TPD52: variants seen among roughly 807,000 people sequenced by gnomAD.
The protein encoded by TPD52 is prostate and colon associated protein.
Under a neutral mutation model 31.3 loss-of-function variants are expected in TPD52, and 17 were observed. The ratio of observed to expected loss-of-function variants is 0.54; its 90% confidence interval spans 0.37 to 0.82. The LOEUF (loss-of-function observed/expected upper bound fraction) is 0.82, where lower values mean the gene tolerates loss of function less well. Among genes scored for constraint, TPD52 ranks in the 40% least tolerant of loss-of-function variants. TPD52 has a pLI of 0.00. For missense variants in TPD52, 212 were observed against 240.1 expected (o/e 0.88, Z 0.77); for synonymous variants, 83 against 89.6 (o/e 0.93, Z 0.42).
downstream of TPD52, among the ~76,000 whole-genome samples, chr8:80,032,502 A>G (rs2130282308): frequency 6.6e-6 from 1 of 152,226 alleles, no homozygotes; most frequent in Non-Finnish European, 1.5e-5. Context: ...CCAGAAGTTT[A>G]GGGCCAGCCT....
intron 1 of TPD52, among the ~76,000 whole-genome samples, chr8:80,152,763 AGT>A (rs560168349): frequency 1.2e-3 from 138 of 114,834 alleles, no homozygotes; most frequent in African/African-American, 5.0e-3. Context: ...CCTGGGCGAA[AGT>A]GTGAGACTCC....
At chr8:80,152,523 G>A (rs1256336370) in intron 1 of TPD52, among the ~76,000 whole-genome samples, 1 of 152,126 alleles carries the variant, frequency 6.6e-6, no homozygotes, top group East Asian at 1.9e-4. Flanking sequence ...GCTCATGCCT[G>A]TAATCCTAGC....
At chr8:80,132,496 C>A (rs1458163159) in intron 1 of TPD52, among the ~76,000 whole-genome samples, 2 of 152,212 alleles carry the variant, frequency 1.3e-5, no homozygotes, top group East Asian at 3.8e-4. Context: ...GTGTGAGCCA[C>A]CATGCCAGGC....
intron 1 of TPD52, among the ~76,000 whole-genome samples, chr8:80,136,088 T>A (rs1809374934): frequency 7.1e-6 from 1 of 141,514 alleles, no homozygotes; most frequent in Non-Finnish European, 1.5e-5. Flanking sequence ...CATATGTAAC[T>A]AACCTGCACA....
chr8:80,106,518 G>A (rs953010924), intron 1 of TPD52, among the ~76,000 whole-genome samples: 6 of 150,916 alleles, frequency 4.0e-5, no homozygotes, highest in South Asian at 2.1e-4. Context: ...CACCACACCC[G>A]GCTAATTTTT....
intron 1 of TPD52, chr8:80,122,941 G>A (rs1808359242): frequency 6.6e-6 from 1 of 152,304 alleles, no homozygotes; most frequent in South Asian, 2.1e-4. Context: ...TGAGAATTCT[G>A]ACGTCTGCCT....
intron 5 of TPD52, among the ~76,000 whole-genome samples, chr8:80,049,062 G>A (rs1811127787): frequency 1.3e-5 from 2 of 152,108 alleles, no homozygotes; most frequent in Non-Finnish European, 1.5e-5. Context: ...ATTCTTTAAA[G>A]GTATAGAAAA....
At chr8:80,099,500 G>A (rs1806571567) in intron 1 of TPD52, among the ~76,000 whole-genome samples, 3 of 150,708 alleles carry the variant, frequency 2.0e-5, no homozygotes, top group African/African-American at 7.4e-5. Context: ...CTGGATGGTG[G>A]TCTAACATCT....
At chr8:80,057,350 ATAGAAATTGTTC>A (rs1299278906) in intron 2 of TPD52, among the ~76,000 whole-genome samples, 3 of 152,232 alleles carry the variant, frequency 2.0e-5, no homozygotes, top group African/African-American at 4.8e-5. Context: ...ATTACTGGGT[ATAGAAATTGTTC>A]TACCAAAAAA....
chr8:80,096,285 C>CAA (rs1816730249), intron 1 of TPD52, among the ~76,000 whole-genome samples: 1 of 109,156 alleles, frequency 9.2e-6, no homozygotes, highest in African/African-American at 3.4e-5. Flanking sequence ...CAAACACACA[C>CAA]ACACAAACAC....
chr8:80,082,726 A>C (rs10092517), intron 1 of TPD52, among the ~76,000 whole-genome samples: 43,402 of 151,972 alleles, frequency 0.29, 8,584 homozygotes, highest in African/African-American at 0.56. Flanking sequence ...GAGCCCCCTG[A>C]CAGGCGCCTG....
chr8:80,092,750 C>T (rs1455044030), intron 1 of TPD52, among the ~76,000 whole-genome samples: 2 of 148,434 alleles, frequency 1.3e-5, no homozygotes, highest in African/African-American at 5.0e-5. Context: ...TCACAAATTC[C>T]GTGTTATACA....
At chr8:80,154,386 G>A (rs910334695) in intron 1 of TPD52, among the ~76,000 whole-genome samples, 14 of 152,294 alleles carry the variant, frequency 9.2e-5, no homozygotes, top group South Asian at 2.1e-4. Context: ...GCCAATGTGC[G>A]CAAAGCCCAA....
At chr8:80,094,446 A>G (rs10090713) in intron 1 of TPD52, among the ~76,000 whole-genome samples, 1 of 53,264 alleles carries the variant, frequency 1.9e-5, no homozygotes, top group Non-Finnish European at 3.3e-5. Flanking sequence ...ATATATATAT[A>G]TATATATATA....
chr8:80,059,006 G>C (rs1212926497), intron 2 of TPD52, among the ~76,000 whole-genome samples: 1 of 152,142 alleles, frequency 6.6e-6, no homozygotes, highest in Non-Finnish European at 1.5e-5. Flanking sequence ...CCCCAAATTA[G>C]TAGAAATACA....
chr8:80,136,539 A>G (rs1426479611), intron 1 of TPD52, among the ~76,000 whole-genome samples: 2 of 150,192 alleles, frequency 1.3e-5, no homozygotes, highest in Non-Finnish European at 3.0e-5. Context: ...AAAAAAAAAA[A>G]AAAAAAAAAA....
chr8:80,068,933 T>C (rs1402744377), intron 1 of TPD52, among the ~76,000 whole-genome samples: 1 of 152,162 alleles, frequency 6.6e-6, no homozygotes, highest in African/African-American at 2.4e-5. Context: ...GCTTAGAAAA[T>C]GCCAGGTCCG....
At chr8:80,041,247 A>C (rs1342677203) in intron 7 of TPD52, among the ~76,000 whole-genome samples, 2 of 152,184 alleles carry the variant, frequency 1.3e-5, no homozygotes, top group Non-Finnish European at 2.9e-5. Flanking sequence ...CCTATGTAAC[A>C]AGCCTGCACA....
At chr8:80,055,332 C>A (rs1811764582) in intron 2 of TPD52, among the ~76,000 whole-genome samples, 1 of 152,142 alleles carries the variant, frequency 6.6e-6, no homozygotes, top group Non-Finnish European at 1.5e-5. Context: ...TTCCTTAATT[C>A]AATATATACA....
Sources: allele counts gnomAD v4.1 joint callset (sites outside exome capture counted in the v4.1 genomes callset), GRCh38; gene constraint gnomAD v4.1.1; transcripts MANE v1.5; gene names NCBI Gene and HGNC (gene_info 2026-07-23, HGNC 2026-07-21).